The following NGEF variants were observed in gnomAD, a reference collection of about 807,000 sequenced individuals.
NGEF encodes the protein ephexin-1.
NGEF carries 31 observed loss-of-function variants against 80.9 expected under a neutral mutation model. The ratio of observed to expected loss-of-function variants is 0.38; its 90% CI spans 0.29 to 0.52. The LOEUF is 0.52. Ranked by LOEUF, NGEF falls within the 20% of genes least tolerant of loss-of-function variation. NGEF has a pLI of 0.84. For synonymous variants in NGEF, 371 were observed against 370.2 expected, an observed-to-expected ratio of 1.00 and a Z score of -0.03; for missense variants, 709 against 926.2, an observed-to-expected ratio of 0.77 and a Z score of 3.04.
intron 5 of NGEF, among the ~76,000 whole-genome samples, chr2:232,903,451 C>A (rs1692413300): frequency 6.6e-6 from 1 of 152,100 alleles, no homozygotes; most frequent in South Asian, 2.1e-4. Context: ...CACACACACA[C>A]ACACACACAC....
At chr2:232,887,893 T>C (rs1691744135) in intron 9 of NGEF, 140 bp downstream of exon 9, 1 of 733,226 alleles carries the variant, frequency 1.4e-6, no homozygotes, top group African/African-American at 1.7e-5. Flanking sequence ...AGTGACTCTT[T>C]TGATTGCAAA....
chr2:232,989,165 C>T (rs1445984064), intron 1 of NGEF, among the ~76,000 whole-genome samples: 4 of 152,012 alleles, frequency 2.6e-5, no homozygotes, highest in Admixed American at 6.6e-5. Flanking sequence ...AAAGCTATGT[C>T]GGCCAGGTGC....
chr2:233,005,872 A>G (rs927899947), intron 1 of NGEF, among the ~76,000 whole-genome samples: 1 of 152,122 alleles, frequency 6.6e-6, no homozygotes, highest in Non-Finnish European at 1.5e-5. Context: ...GCTGGAGTTC[A>G]GTGGCATGAT....
chr2:232,891,915 G>A (rs566671826), intron 7 of NGEF, among the ~76,000 whole-genome samples: 1 of 152,108 alleles, frequency 6.6e-6, no homozygotes, highest in East Asian at 1.9e-4. Context: ...CCACAGCGCT[G>A]ATGAGGGCTG....
chr2:232,970,870 T>C (rs1694171346), intron 2 of NGEF, among the ~76,000 whole-genome samples: 1 of 151,926 alleles, frequency 6.6e-6, no homozygotes, highest in Non-Finnish European at 1.5e-5. Context: ...CATACATACG[T>C]AGTCAGTGGA....
At chr2:233,000,334 C>T (rs1409340349) in intron 1 of NGEF, among the ~76,000 whole-genome samples, 3 of 152,102 alleles carry the variant, frequency 2.0e-5, no homozygotes, top group Non-Finnish European at 4.4e-5. Context: ...TGGGCTCAAG[C>T]GATCCTCCTG....
At chr2:232,942,423 C>T (rs1469202268) in intron 3 of NGEF, among the ~76,000 whole-genome samples, 1 of 152,154 alleles carries the variant, frequency 6.6e-6, no homozygotes, top group Non-Finnish European at 1.5e-5. Context: ...AGCACGTGGA[C>T]ATTCTTTAGG....
At chr2:232,943,325 G>A (rs375046218) in intron 3 of NGEF, among the ~76,000 whole-genome samples, 2 of 152,114 alleles carry the variant, frequency 1.3e-5, no homozygotes, top group East Asian at 3.9e-4. Flanking sequence ...AAAGAGAGCC[G>A]TCTCCACAGG....
intron 13 of NGEF, among the ~76,000 whole-genome samples, chr2:232,881,486 A>G (rs559622094): frequency 6.6e-6 from 1 of 152,276 alleles, no homozygotes; most frequent in African/African-American, 2.4e-5. Context: ...TAAACTTCAG[A>G]AGGAACTTTT....
chr2:232,881,320 C>T, intron 13 of NGEF, 70 bp from the exon 14 acceptor site: 2 of 1,195,930 alleles, frequency 1.7e-6, no homozygotes, highest in Non-Finnish European at 2.4e-6. Flanking sequence ...ACCAAGCCCG[C>T]AGCTGAGCCC....
At chr2:232,894,197 T>C (rs1691982066) in intron 6 of NGEF, among the ~76,000 whole-genome samples, 1 of 152,186 alleles carries the variant, frequency 6.6e-6, no homozygotes, top group Admixed American at 6.5e-5. Flanking sequence ...GATGTCTGTC[T>C]ACTCTTCCTC....
At chr2:232,885,421 C>T (rs1188011763) in intron 9 of NGEF, 52 bp from the exon 10 acceptor site, 1 of 1,507,698 alleles carries the variant, frequency 6.6e-7, no homozygotes, top group Non-Finnish European at 9.2e-7. Flanking sequence ...TGTCCCGGCC[C>T]CTTCCTCCAG....
chr2:232,889,122 C>A (rs1691798098), intron 8 of NGEF, among the ~76,000 whole-genome samples: 1 of 152,182 alleles, frequency 6.6e-6, no homozygotes. Context: ...ACCTTCGAGA[C>A]CCACAGCCAC....
At chr2:232,902,728 C>T (rs113447718) in intron 5 of NGEF, among the ~76,000 whole-genome samples, 5,941 of 152,278 alleles carry the variant, frequency 0.039, 405 homozygotes, top group African/African-American at 0.13. Context: ...AGGCCGGGTG[C>T]GGTGGCTCAC....
chr2:233,008,896 G>A (rs1695145109), intron 1 of NGEF, among the ~76,000 whole-genome samples: 1 of 151,488 alleles, frequency 6.6e-6, no homozygotes, highest in Non-Finnish European at 1.5e-5. Flanking sequence ...CACCTCCCTG[G>A]TTCAAGTGAT....
At chr2:232,901,368 G>T (rs1341151428) in intron 5 of NGEF, 1 of 985,420 alleles carries the variant, frequency 1.0e-6, no homozygotes, top group Non-Finnish European at 1.2e-6. Context: ...TTACCTACAC[G>T]GTCTCCTTAT....
At chr2:232,913,175 C>G (rs979538845) in intron 5 of NGEF, among the ~76,000 whole-genome samples, 6 of 152,206 alleles carry the variant, frequency 3.9e-5, no homozygotes, top group African/African-American at 1.2e-4. Context: ...CTGCATCCCA[C>G]TTGGTATGCT....
chr2:232,909,456 C>T (rs765288353), intron 5 of NGEF, among the ~76,000 whole-genome samples: 4 of 151,972 alleles, frequency 2.6e-5, no homozygotes, highest in Non-Finnish European at 4.4e-5. Flanking sequence ...CCTTAATTCA[C>T]GGTGAGACAG....
intron 1 of NGEF, among the ~76,000 whole-genome samples, chr2:232,996,408 G>T (rs977930105): frequency 6.6e-6 from 1 of 152,174 alleles, no homozygotes. Flanking sequence ...TGCTAAGGCT[G>T]CAGGGATTTC....
Sources: allele counts gnomAD v4.1 joint callset (sites outside exome capture counted in the v4.1 genomes callset), GRCh38; gene constraint gnomAD v4.1.1; transcripts MANE v1.5; gene names NCBI Gene and HGNC (gene_info 2026-07-23, HGNC 2026-07-21).